The following PHACTR3 variants were observed in gnomAD, a reference collection of about 807,000 sequenced individuals.
PHACTR3 encodes the protein protein phosphatase 1, regulatory subunit 123.
Under a neutral mutation model 66.8 loss-of-function variants are expected in PHACTR3, and 16 were observed. The observed-to-expected ratio is 0.24, with a 90% CI of 0.16 to 0.36. PHACTR3 has a LOEUF of 0.36. Among genes scored for constraint, PHACTR3 ranks in the 10% least tolerant of loss-of-function variants. PHACTR3 has a pLI of 1.00. For missense variants in PHACTR3, 647 were observed against 719.9 expected (o/e 0.90, Z 1.16); for synonymous variants, 323 against 292.1 (o/e 1.11, Z -1.08).
chr20:59,672,657 G>A (rs141685342), intron 1 of PHACTR3, among the ~76,000 whole-genome samples: 2 of 152,320 alleles, frequency 1.3e-5, no homozygotes, highest in Non-Finnish European at 2.9e-5. Context: ...ACGTGCGTGA[G>A]CAGCGCCATC....
Position 59,604,920 on chromosome 20 carries a change from C to T in PHACTR3, c.-95C>T. On this transcript the variant is annotated 5_prime_UTR_variant, in exon 1 of 13. The change creates a new upstream start codon in the 5' untranslated region. Coordinates refer to ENST00000371015, the MANE Select transcript of PHACTR3 (RefSeq NM_080672.5). Reference sequence around the variant, plus strand: ...TTTTTAATTTTCTTTTTTAAAAAGACGCCCCCTCCAGCCCCCTCGCCGGTG... The same window carrying T: ...TTTTTAATTTTCTTTTTTAAAAAGATGCCCCCTCCAGCCCCCTCGCCGGTG... 9.8e-7 allele frequency: 1 copy of T among 1,018,558 alleles called. No individual in the cohort carries two copies. The highest frequency in any genetic ancestry group is 1.2e-6 in the Non-Finnish European group (1 of 843,718). 63.1% of individuals were successfully genotyped at this position (1,018,558 alleles called of 1,614,324 possible).
At chr20:59,730,772 G>A (rs1278262331) in intron 1 of PHACTR3, among the ~76,000 whole-genome samples, 1 of 152,132 alleles carries the variant, frequency 6.6e-6, no homozygotes, top group East Asian at 1.9e-4. Flanking sequence ...TGCAAATAAA[G>A]TTTTATTGCA....
At chr20:59,793,044 C>T (rs558375771) in intron 7 of PHACTR3, among the ~76,000 whole-genome samples, 1 of 82,950 alleles carries the variant, frequency 1.2e-5, no homozygotes, top group East Asian at 4.0e-4. Flanking sequence ...ACCACCACAC[C>T]CAGTTAATTT....
intron 1 of PHACTR3, among the ~76,000 whole-genome samples, chr20:59,612,509 C>A (rs184310789): frequency 6.6e-6 from 1 of 152,102 alleles, no homozygotes. Flanking sequence ...CTCAGCCTCC[C>A]GAGTGGCTGG....
intron 1 of PHACTR3, among the ~76,000 whole-genome samples, chr20:59,608,636 C>T (rs1230802940): frequency 6.6e-6 from 1 of 152,176 alleles, no homozygotes; most frequent in African/African-American, 2.4e-5. Context: ...TCAACATGAT[C>T]CCATCACTGC....
At position 59,790,344 on chromosome 20, in the gene PHACTR3, G is replaced by A. The variant is rs572855170; in HGVS notation, c.1175-15697G>A. Among the ~76,000 whole-genome samples, 96 of 152,240 alleles carry A rather than the reference G, an allele frequency of 6.3e-4. 1 individual carries two copies. Among genetic ancestry groups the A allele is most frequent in the African/African-American group, 2.2e-3 (90 of 41,550 alleles). On this transcript the variant is annotated intron_variant, in intron 7 of 12. Transcript: ENST00000371015. The stretch of plus-strand genomic sequence containing the variant: ...TGGTTCTAAAAGCAGTAGCCAGCCC[G>A]GTGATACAGGGAGAAATAGCCAAAA...
chr20:59,790,688 G>T (rs1278329236), intron 7 of PHACTR3, among the ~76,000 whole-genome samples: 1 of 152,246 alleles, frequency 6.6e-6, no homozygotes, highest in Non-Finnish European at 1.5e-5. Context: ...TTGCAAAGTA[G>T]TGTGTATGGT....
intron 1 of PHACTR3, among the ~76,000 whole-genome samples, chr20:59,615,046 C>T (rs1373032959): frequency 1.3e-5 from 2 of 152,134 alleles, no homozygotes; most frequent in Non-Finnish European, 2.9e-5. Context: ...CCCTACCCCA[C>T]ATTCTTTATT....
intron 8 of PHACTR3, among the ~76,000 whole-genome samples, chr20:59,815,996 A>C (rs2041876810): frequency 6.6e-6 from 1 of 152,118 alleles, no homozygotes; most frequent in African/African-American, 2.4e-5. Flanking sequence ...TGATTCAAGC[A>C]CATTACCTTT....
Position 59,702,667 on chromosome 20 carries a change from A to AGAACAGTG in PHACTR3, c.119-40439_119-40432dup, listed in dbSNP as rs372142046. On this transcript the variant is annotated intron_variant, in intron 1 of 12. Transcript: ENST00000371015. ...TTATCCCTGGCTGTATCCTAGCCCT[A>AGAACAGTG]GAACAGTGCCTGGGGCCTCACAGAA... 2.9e-4 allele frequency among the ~76,000 whole-genome samples: 44 copies of AGAACAGTG among 152,354 alleles called. 1 individual carries two copies. Among genetic ancestry groups the AGAACAGTG allele is most frequent in the African/African-American group, 1.1e-3 (44 of 41,592 alleles).
intron 1 of PHACTR3, among the ~76,000 whole-genome samples, chr20:59,613,806 G>C (rs2033936933): frequency 6.6e-6 from 1 of 152,168 alleles, no homozygotes; most frequent in African/African-American, 2.4e-5. Flanking sequence ...GAAATTAAAG[G>C]TTGGACTAAG....
intron 1 of PHACTR3, among the ~76,000 whole-genome samples, chr20:59,719,017 T>C (rs2038195591): frequency 6.6e-6 from 1 of 152,224 alleles, no homozygotes; most frequent in Non-Finnish European, 1.5e-5. Flanking sequence ...TGTGTGAAAG[T>C]GTACAGTTGC....
intron 4 of PHACTR3, among the ~76,000 whole-genome samples, chr20:59,763,549 T>A (rs2148807): frequency 7.2e-5 from 11 of 152,184 alleles, no homozygotes; most frequent in African/African-American, 2.7e-4. Flanking sequence ...GATTCAAGTT[T>A]GGATGTGATT....
chr20:59,756,960 C>T (rs1393439186), intron 4 of PHACTR3, among the ~76,000 whole-genome samples: 1 of 152,210 alleles, frequency 6.6e-6, no homozygotes. Flanking sequence ...GCAATCTACT[C>T]ATCTGACAAA....
chr20:59,695,962 A>G (rs2037281550), intron 1 of PHACTR3, among the ~76,000 whole-genome samples: 2 of 152,022 alleles, frequency 1.3e-5, no homozygotes, highest in African/African-American at 4.8e-5. Flanking sequence ...CAAACTCCTG[A>G]CCTCAAGTGA....
chr20:59,757,225 C>T (rs2039831598), intron 4 of PHACTR3, among the ~76,000 whole-genome samples: 1 of 152,344 alleles, frequency 6.6e-6, no homozygotes, highest in South Asian at 2.1e-4. Context: ...ATGGGGGTCA[C>T]GCTTCTCCTT....
intron 3 of PHACTR3, among the ~76,000 whole-genome samples, chr20:59,748,645 C>T (rs1027844290): frequency 3.3e-5 from 5 of 152,126 alleles, no homozygotes; most frequent in South Asian, 4.1e-4. Context: ...TGGTGCCTTC[C>T]GGTTCCCTGA....
chr20:59,787,989 T>TG (rs1422245068), intron 7 of PHACTR3, among the ~76,000 whole-genome samples: 1 of 152,168 alleles, frequency 6.6e-6, no homozygotes, highest in Non-Finnish European at 1.5e-5. Context: ...CATAAGTTAT[T>TG]GGGGTACAGG....
intron 1 of PHACTR3, among the ~76,000 whole-genome samples, chr20:59,592,507 C>T (rs766271200): frequency 6.6e-6 from 1 of 152,212 alleles, no homozygotes; most frequent in Non-Finnish European, 1.5e-5. Context: ...GATGTACATT[C>T]ACTCATTCTT....
Sources: allele counts gnomAD v4.1 joint callset (sites outside exome capture counted in the v4.1 genomes callset), GRCh38; gene constraint gnomAD v4.1.1; transcripts MANE v1.5; gene names NCBI Gene and HGNC (gene_info 2026-07-23, HGNC 2026-07-21).